The following IGFBP7 variants were observed in gnomAD, a reference collection of about 807,000 sequenced individuals.
The protein encoded by IGFBP7 is insulin like growth factor binding protein 7.
Under a neutral mutation model 29.4 loss-of-function variants are expected in IGFBP7, and 31 were observed. The ratio of observed to expected loss-of-function variants is 1.05; its 90% confidence interval spans 0.79 to 1.42. The LOEUF (loss-of-function observed/expected upper bound fraction) is 1.42, where lower values mean the gene tolerates loss of function less well. Ranked by LOEUF, IGFBP7 falls within the 40% of genes most tolerant of loss-of-function variation. The pLI, the probability that IGFBP7 is intolerant of heterozygous loss-of-function variation, is 0.00. For missense variants in IGFBP7, 393 were observed against 395.5 expected, an observed-to-expected ratio of 0.99 and a Z score of 0.05; for synonymous variants, 172 against 174.9, an observed-to-expected ratio of 0.98 and a Z score of 0.13.
At chr4:57,037,642 C>T (rs907753275) in intron 2 of IGFBP7, among the ~76,000 whole-genome samples, 1 of 152,036 alleles carries the variant, frequency 6.6e-6, no homozygotes, top group African/African-American at 2.4e-5. Flanking sequence ...AAAAGATTCC[C>T]GAGGCAGACG....
intron 1 of IGFBP7, among the ~76,000 whole-genome samples, chr4:57,046,199 C>T (rs1407162914): frequency 6.6e-6 from 1 of 151,888 alleles, no homozygotes; most frequent in Admixed American, 6.6e-5. Context: ...CAATGCCAGC[C>T]CCAACAATGC....
chr4:57,040,434 A>G (rs1163260820), intron 2 of IGFBP7, among the ~76,000 whole-genome samples: 2 of 152,160 alleles, frequency 1.3e-5, no homozygotes, highest in Non-Finnish European at 2.9e-5. Context: ...GTATTTTGGG[A>G]CAGAAAGAGA....
chr4:57,098,582 A>C, intron 1 of IGFBP7, among the ~76,000 whole-genome samples: 1 of 152,226 alleles, frequency 6.6e-6, no homozygotes, highest in Non-Finnish European at 1.5e-5. Context: ...ACAACAGAGC[A>C]GAGAGGGGCC....
At chr4:57,086,920 G>T (rs1287147447) in intron 1 of IGFBP7, among the ~76,000 whole-genome samples, 1 of 152,056 alleles carries the variant, frequency 6.6e-6, no homozygotes, top group African/African-American at 2.4e-5. Context: ...TTTTAGGAGA[G>T]ACTGGGTTTC....
At chr4:57,096,865 T>C (rs1164108696) in intron 1 of IGFBP7, among the ~76,000 whole-genome samples, 1 of 152,190 alleles carries the variant, frequency 6.6e-6, no homozygotes, top group Non-Finnish European at 1.5e-5. Flanking sequence ...TTTTAAAAAA[T>C]GAGTTCCTGC....
chr4:57,044,577 C>T (rs1724313171), intron 1 of IGFBP7, among the ~76,000 whole-genome samples: 1 of 152,138 alleles, frequency 6.6e-6, no homozygotes, highest in African/African-American at 2.4e-5. Flanking sequence ...CCTAAAAGGA[C>T]ATCCAATTGC....
intron 1 of IGFBP7, among the ~76,000 whole-genome samples, chr4:57,045,101 T>C (rs1724327556): frequency 6.6e-6 from 1 of 152,208 alleles, no homozygotes. Context: ...TATCATGGGT[T>C]CCTATTTCTC....
At chr4:57,059,864 G>T (rs777459731) in intron 1 of IGFBP7, among the ~76,000 whole-genome samples, 2 of 152,152 alleles carry the variant, frequency 1.3e-5, no homozygotes, top group Non-Finnish European at 2.9e-5. Context: ...CTGCTTCGTT[G>T]AATTAATTCC....
intron 1 of IGFBP7, among the ~76,000 whole-genome samples, chr4:57,066,412 A>T (rs902522589): frequency 3.3e-5 from 5 of 152,158 alleles, no homozygotes; most frequent in African/African-American, 1.2e-4. Context: ...GCCTCAGGGG[A>T]CACTCCAGGC....
At chr4:57,057,782 G>A (rs1055945327) in intron 1 of IGFBP7, among the ~76,000 whole-genome samples, 3 of 152,180 alleles carry the variant, frequency 2.0e-5, no homozygotes, top group East Asian at 1.9e-4. Flanking sequence ...CTAAGACAAT[G>A]CTTTTTCACA....
intron 1 of IGFBP7, among the ~76,000 whole-genome samples, chr4:57,054,639 CA>C (rs75161514): frequency 3.0e-3 from 84 of 27,894 alleles, no homozygotes; most frequent in African/African-American, 7.6e-3. Flanking sequence ...CTCTCTCTCA[CA>C]AAAAAAAAAA....
At chr4:57,056,413 G>C (rs1340390354) in intron 1 of IGFBP7, among the ~76,000 whole-genome samples, 60 of 152,222 alleles carry the variant, frequency 3.9e-4, no homozygotes, top group Middle Eastern at 6.8e-3. Flanking sequence ...GTATTACTGT[G>C]TGTTTGAGTT....
Position 57,103,660 on chromosome 4 carries a change from C to CTTTTTTT in IGFBP7, c.475+6210_475+6216dup, listed in dbSNP as rs59173874. Reference sequence around the variant, plus strand: ...AACTTTTCTTTTTTTTTTTTCTTTTCTTTTTTTTTTTTTTTTGAGGCAGGG... The same window carrying CTTTTTTT: ...AACTTTTCTTTTTTTTTTTTCTTTTCTTTTTTTTTTTTTTTTTTTTTTTGAGGCAGGG... On this transcript the variant is annotated intron_variant, in intron 1 of 4. Coordinates refer to ENST00000295666, the MANE Select transcript of IGFBP7 (RefSeq NM_001553.3). Among the ~76,000 whole-genome samples the CTTTTTTT allele has an allele frequency of 4.9e-4, 42 of 86,500 alleles. 3 individuals carry two copies. Among genetic ancestry groups the CTTTTTTT allele is most frequent in the South Asian group, 1.3e-3 (3 of 2,260 alleles). The allele number at this position is 86,500 out of a possible 152,430, so 56.7% of individuals were successfully genotyped here. A position where few individuals can be genotyped will look rare whatever the true frequency, so the allele number is the denominator to read the frequency against.
At chr4:57,045,153 A>G (rs1430865873) in intron 1 of IGFBP7, among the ~76,000 whole-genome samples, 1 of 152,232 alleles carries the variant, frequency 6.6e-6, no homozygotes, top group South Asian at 2.1e-4. Context: ...AGGCTGAGTC[A>G]ACATTTGGAT....
intron 1 of IGFBP7, among the ~76,000 whole-genome samples, chr4:57,091,343 C>T (rs910870184): frequency 1.3e-5 from 2 of 152,188 alleles, no homozygotes; most frequent in African/African-American, 4.8e-5. Context: ...TGTTTAACTG[C>T]TTCTGACACT....
chr4:57,050,649 G>A (rs7688676), intron 1 of IGFBP7, among the ~76,000 whole-genome samples: 86,357 of 151,424 alleles, frequency 0.57, 24,683 homozygotes, highest in East Asian at 0.66. Flanking sequence ...AGTCTCATGG[G>A]TCCTTCTGCC....
At chr4:57,093,437 T>A (rs895424668) in intron 1 of IGFBP7, among the ~76,000 whole-genome samples, 1 of 151,576 alleles carries the variant, frequency 6.6e-6, no homozygotes, top group African/African-American at 2.4e-5. Flanking sequence ...GAGGTAGAGG[T>A]TGCAGTGAGC....
chr4:57,096,042 G>A (rs1284288583), intron 1 of IGFBP7, among the ~76,000 whole-genome samples: 1 of 152,012 alleles, frequency 6.6e-6, no homozygotes, highest in Non-Finnish European at 1.5e-5. Context: ...TGGGCTAATG[G>A]AGCGTATGTT....
chr4:57,070,153 G>A (rs879090625), intron 1 of IGFBP7, among the ~76,000 whole-genome samples: 1 of 152,162 alleles, frequency 6.6e-6, no homozygotes, highest in Admixed American at 6.6e-5. Flanking sequence ...GCCCTCTGTA[G>A]GTCCTGGGAA....
Sources: gnomAD v4.1 joint callset for allele counts (sites outside exome capture counted in the v4.1 genomes callset) on GRCh38, gnomAD v4.1.1 for gene constraint, MANE v1.5 for transcripts, NCBI Gene and HGNC (gene_info 2026-07-23, HGNC 2026-07-21) for gene names.